INSR: variants seen among roughly 807,000 people sequenced by gnomAD.
The protein encoded by INSR is insulin receptor, also known as IR.
Under a neutral mutation model 142.6 loss-of-function variants are expected in INSR, and 67 were observed. That is an observed-to-expected ratio of 0.47 (90% CI 0.39 to 0.58). The LOEUF (loss-of-function observed/expected upper bound fraction) is 0.58, where lower values mean the gene tolerates loss of function less well. Among genes scored for constraint, INSR ranks in the 20% least tolerant of loss-of-function variants. The pLI is 0.00. For missense variants in INSR, 1,248 were observed against 1,833.2 expected, an observed-to-expected ratio of 0.68 and a Z score of 5.83; for synonymous variants, 756 against 743.1, an observed-to-expected ratio of 1.02 and a Z score of -0.28.
intron 2 of INSR, among the ~76,000 whole-genome samples, chr19:7,199,356 G>A (rs58622625): frequency 0.02 from 3,020 of 152,056 alleles, 97 homozygotes; most frequent in African/African-American, 0.063. Context: ...AGGAGAGGGT[G>A]TGGTATGGAG....
At chr19:7,198,573 T>C (rs997049943) in intron 2 of INSR, among the ~76,000 whole-genome samples, 4 of 151,942 alleles carry the variant, frequency 2.6e-5, no homozygotes, top group Non-Finnish European at 4.4e-5. Flanking sequence ...ACCCCAGGCC[T>C]CCCTCGGGAG....
chr19:7,219,468 G>GAGAC (rs1477338632), intron 2 of INSR, among the ~76,000 whole-genome samples: 1 of 137,458 alleles, frequency 7.3e-6, no homozygotes, highest in Non-Finnish European at 1.6e-5. Flanking sequence ...GAGAGAGAGA[G>GAGAC]AGAAAAGGGA....
intron 13 of INSR, among the ~76,000 whole-genome samples, chr19:7,137,032 C>T (rs1972946178): frequency 6.6e-6 from 1 of 151,854 alleles, no homozygotes; most frequent in Admixed American, 6.6e-5. Flanking sequence ...GAAGTTTCAC[C>T]ATGCTGGCCA....
chr19:7,251,654 A>G (rs149281791), intron 2 of INSR, among the ~76,000 whole-genome samples: 5 of 152,152 alleles, frequency 3.3e-5, no homozygotes, highest in Non-Finnish European at 7.4e-5. Context: ...AGTGATGTCT[A>G]CAAAAGACAG....
At chr19:7,183,294 GTGTGTT>G (rs1416986155) in intron 3 of INSR, among the ~76,000 whole-genome samples, 4 of 138,416 alleles carry the variant, frequency 2.9e-5, no homozygotes, top group Admixed American at 7.4e-5. Context: ...GTGTGTGTGT[GTGTGTT>G]TTAAAACAAA....
intron 2 of INSR, among the ~76,000 whole-genome samples, chr19:7,219,520 A>ACGAAG (rs1568493995): frequency 4.1e-5 from 2 of 49,100 alleles, no homozygotes; most frequent in Non-Finnish European, 9.4e-5. Flanking sequence ...AACGAAGGAA[A>ACGAAG]GAAGGAAGGA....
At chr19:7,145,729 T>G (rs1301304310) in intron 11 of INSR, among the ~76,000 whole-genome samples, 3 of 152,252 alleles carry the variant, frequency 2.0e-5, no homozygotes, top group African/African-American at 7.2e-5. Context: ...TTGCCTACCC[T>G]TGAGCTAGAC....
At chr19:7,122,065 C>T (rs1568427419) in intron 19 of INSR, among the ~76,000 whole-genome samples, 1 of 151,948 alleles carries the variant, frequency 6.6e-6, no homozygotes, top group Non-Finnish European at 1.5e-5. Context: ...ATCGCTTGAA[C>T]CCAAGAGGTG....
chr19:7,125,272 A>C lies in INSR; in HGVS notation c.3258+11T>G. 6.2e-7 allele frequency: 1 copy of C among 1,613,956 alleles called. No homozygotes were observed. The highest frequency in any genetic ancestry group is 8.5e-7 in the Non-Finnish European group (1 of 1,180,018). On this transcript the variant is annotated intron_variant, in intron 17 of 21. Coordinates refer to ENST00000302850, the MANE Select transcript of INSR (RefSeq NM_000208.4). The surrounding 1 kb of genome is among the most constrained non-coding windows in gnomAD (Gnocchi z 4.9). ...GAAAGCCAGCCCATGTCCCACCCCC[A>C]CTGGACTCACCACGTGATGGCAGGT...
At chr19:7,143,193 C>G (rs965867764) in intron 11 of INSR, 103 bp from the exon 12 acceptor site, 5 of 1,320,170 alleles carry the variant, frequency 3.8e-6, no homozygotes, top group Non-Finnish European at 1.1e-6. Flanking sequence ...AAGATCAGAG[C>G]GCAGGAGGGT....
At chr19:7,292,892 AGAG>A (rs1968534018) in intron 1 of INSR, among the ~76,000 whole-genome samples, 2 of 152,102 alleles carry the variant, frequency 1.3e-5, no homozygotes, top group Admixed American at 1.3e-4. Flanking sequence ...GGCTGAGGGG[AGAG>A]GAGGGGTCAA....
rs1973704098 is a variant in INSR at position 7,159,853 on chromosome 19, C to T, written c.2029+3179G>A. On this transcript the variant is annotated intron_variant, in intron 9 of 21. Coordinates refer to ENST00000302850, the MANE Select transcript of INSR (RefSeq NM_000208.4). This position sits in a 1 kb window ranked among gnomAD's most constrained non-coding sequence, Gnocchi z 4.3. The stretch of plus-strand genomic sequence containing the variant: ...GCCAAAGCCCTTCAGCAGGTCAGGG[C>T]CAGAGCCAAGAGCAAATGTTGAGCT... 6.6e-6 allele frequency among the ~76,000 whole-genome samples: 1 copy of T among 152,198 alleles called. No individual in the cohort carries two copies. The highest frequency in any genetic ancestry group is 6.5e-5 in the Admixed American group (1 of 15,270).
At position 7,270,339 on chromosome 19, in the gene INSR, T is replaced by TCTCACACACA. The variant is rs1414011806; in HGVS notation, c.101-2444_101-2443insTGTGTGTGAG. On this transcript the variant is annotated intron_variant, in intron 1 of 21. Transcript: ENST00000302850. ...ATTTCTCTCTCTCTCTCTCTCTCTC[T>TCTCACACACA]CACACACACACACACACACACACAC... 5.8e-5 allele frequency among the ~76,000 whole-genome samples: 7 copies of TCTCACACACA among 120,310 alleles called. No homozygotes were observed. In the East Asian group the frequency reaches 6.4e-4, roughly 11 times the overall value. 78.9% of individuals were successfully genotyped at this position (120,310 alleles called of 152,430 possible). A position where few individuals can be genotyped will look rare whatever the true frequency, so the allele number is the denominator to read the frequency against.
At chr19:7,242,374 A>G (rs1252186340) in intron 2 of INSR, among the ~76,000 whole-genome samples, 1 of 152,118 alleles carries the variant, frequency 6.6e-6, no homozygotes, top group East Asian at 1.9e-4. Flanking sequence ...CTTTTTAAAC[A>G]TTCTTTCTAA....
chr19:7,117,931 G>T (rs1166646462), intron 21 of INSR, among the ~76,000 whole-genome samples: 1 of 150,414 alleles, frequency 6.6e-6, no homozygotes, highest in Non-Finnish European at 1.5e-5. Context: ...TTGAGACAGG[G>T]TTTCTCACTT....
At chr19:7,211,822 C>T (rs371573024) in intron 2 of INSR, among the ~76,000 whole-genome samples, 3 of 152,212 alleles carry the variant, frequency 2.0e-5, no homozygotes, top group South Asian at 2.1e-4. Context: ...AACACTTCTT[C>T]TGCCAAATAG....
intron 2 of INSR, among the ~76,000 whole-genome samples, chr19:7,261,905 A>G (rs73003963): frequency 0.065 from 9,921 of 152,190 alleles, 399 homozygotes; most frequent in Middle Eastern, 0.13. Context: ...GAAGGGGTGG[A>G]TGTTGCTCGG....
intron 11 of INSR, among the ~76,000 whole-genome samples, chr19:7,147,423 C>T (rs771944650): frequency 2.6e-4 from 40 of 152,156 alleles, no homozygotes; most frequent in Admixed American, 5.2e-4. Context: ...GATCCGCCTG[C>T]CTGGGCCTCC....
chr19:7,118,783 T>C (rs12971764), intron 21 of INSR, among the ~76,000 whole-genome samples: 77,745 of 146,282 alleles, frequency 0.53, 21,409 homozygotes, highest in Admixed American at 0.61. Context: ...GGCGCGGTGG[T>C]GGGTGCCTGT....
Sources: gnomAD v4.1 joint callset for allele counts (sites outside exome capture counted in the v4.1 genomes callset) on GRCh38, gnomAD v4.1.1 for gene constraint, Gnocchi (gnomAD v3.1) non-coding constraint, MANE v1.5 for transcripts, NCBI Gene and HGNC (gene_info 2026-07-23, HGNC 2026-07-21) for gene names.